Variants in GLRA3 observed in about 807,000 individuals in gnomAD.
GLRA3 encodes glycine receptor alpha 3.
GLRA3 carries 44 observed loss-of-function variants against 60.4 expected under a neutral mutation model. That is an observed-to-expected ratio of 0.73 (90% confidence interval 0.57 to 0.94). The LOEUF (loss-of-function observed/expected upper bound fraction) is 0.94, where lower values mean the gene tolerates loss of function less well. Among genes scored for constraint, GLRA3 ranks in the 40% least tolerant of loss-of-function variants. GLRA3 has a pLI of 0.00. For missense variants in GLRA3, 508 were observed against 564.6 expected, an observed-to-expected ratio of 0.90 and a Z score of 1.02; for synonymous variants, 223 against 192.9, an observed-to-expected ratio of 1.16 and a Z score of -1.29.
rs952679179 is a variant in GLRA3, at chr4:174,647,689, G to A, written c.1117-3625C>T. Among the ~76,000 whole-genome samples, 5 of 151,722 alleles carry A rather than the reference G, an allele frequency of 3.3e-5. No individual in the cohort carries two copies. In the South Asian group the frequency reaches 1.0e-3, roughly 32 times the overall value. On this transcript the variant is annotated intron_variant, in intron 9 of 9. Coordinates refer to ENST00000274093, the MANE Select transcript of GLRA3 (RefSeq NM_006529.4). ...TTTTTACATTAACTACATTTAACAA[G>A]TTAAAGGCAACAGGTCAAAATAACT...
chr4:174,762,887 G>C (rs896205742), intron 3 of GLRA3, among the ~76,000 whole-genome samples: 1 of 152,030 alleles, frequency 6.6e-6, no homozygotes, highest in African/African-American at 2.4e-5. Context: ...CTCACAATCA[G>C]TTACCAACCA....
intron 2 of GLRA3, among the ~76,000 whole-genome samples, chr4:174,767,779 A>G (rs1366322789): frequency 2.6e-5 from 4 of 152,116 alleles, no homozygotes; most frequent in African/African-American, 4.8e-5. Context: ...GATGTCCACC[A>G]GAAGTGAGAT....
intron 1 of GLRA3, among the ~76,000 whole-genome samples, chr4:174,826,421 A>G (rs2111411552): frequency 6.6e-6 from 1 of 152,308 alleles, no homozygotes; most frequent in South Asian, 2.1e-4. Flanking sequence ...TGCCTTGGAA[A>G]GGATTATGGT....
intron 3 of GLRA3, among the ~76,000 whole-genome samples, chr4:174,759,658 T>G (rs1031412764): frequency 6.6e-6 from 1 of 152,132 alleles, no homozygotes; most frequent in Non-Finnish European, 1.5e-5. Context: ...AGTTGTCCTA[T>G]TAAATATCAA....
chr4:174,674,462 C>T (rs1734035283), intron 7 of GLRA3, among the ~76,000 whole-genome samples: 1 of 152,118 alleles, frequency 6.6e-6, no homozygotes, highest in African/African-American at 2.4e-5. Flanking sequence ...CTTGAGTTAT[C>T]ATGACATTGT....
chr4:174,747,079 T>C (rs1329307275), intron 3 of GLRA3, among the ~76,000 whole-genome samples: 1 of 152,206 alleles, frequency 6.6e-6, no homozygotes, highest in Non-Finnish European at 1.5e-5. Flanking sequence ...ATATTATGGA[T>C]CCTTCTATTA....
At chr4:174,666,156 A>C (rs1371569895) in intron 7 of GLRA3, among the ~76,000 whole-genome samples, 1 of 152,236 alleles carries the variant, frequency 6.6e-6, no homozygotes, top group East Asian at 1.9e-4. Context: ...AACTGTAAAC[A>C]ATGTAAATTG....
At chr4:174,717,461 C>A (rs983409276) in intron 4 of GLRA3, among the ~76,000 whole-genome samples, 5 of 152,134 alleles carry the variant, frequency 3.3e-5, no homozygotes, top group African/African-American at 1.2e-4. Flanking sequence ...TAACCACATT[C>A]GTCAAGCTGA....
intron 3 of GLRA3, among the ~76,000 whole-genome samples, chr4:174,742,597 C>T (rs1195014720): frequency 6.6e-6 from 1 of 152,068 alleles, no homozygotes; most frequent in African/African-American, 2.4e-5. Flanking sequence ...CTGATGTTTG[C>T]TTTTTCTTCA....
intron 2 of GLRA3, among the ~76,000 whole-genome samples, chr4:174,784,060 G>C (rs1739011908): frequency 6.7e-6 from 1 of 149,264 alleles, no homozygotes; most frequent in Non-Finnish European, 1.5e-5. Flanking sequence ...CAAAGACTTG[G>C]AACCAACCCA....
At chr4:174,817,690 ATCCACC>A (rs1383423866) in intron 1 of GLRA3, among the ~76,000 whole-genome samples, 3 of 152,060 alleles carry the variant, frequency 2.0e-5, no homozygotes, top group Non-Finnish European at 2.9e-5. Flanking sequence ...TCACTGCAAC[ATCCACC>A]TCCTGGTTCA....
At chr4:174,694,810 TA>T (rs1307193611) in intron 5 of GLRA3, among the ~76,000 whole-genome samples, 2 of 151,648 alleles carry the variant, frequency 1.3e-5, no homozygotes, top group South Asian at 4.1e-4. Flanking sequence ...AAAACATTAA[TA>T]AAACATAGGC....
intron 2 of GLRA3, among the ~76,000 whole-genome samples, chr4:174,775,086 T>C (rs1738545421): frequency 6.6e-6 from 1 of 152,192 alleles, no homozygotes; most frequent in Non-Finnish European, 1.5e-5. Flanking sequence ...GTTTAGAATC[T>C]AACCCCATCA....
At chr4:174,807,594 T>C (rs535205658) in intron 1 of GLRA3, among the ~76,000 whole-genome samples, 46 of 152,252 alleles carry the variant, frequency 3.0e-4, no homozygotes, top group African/African-American at 1.1e-3. Flanking sequence ...CTAGACCTAT[T>C]TTTGTAAACC....
chr4:174,755,074 A>G (rs1737639123), intron 3 of GLRA3, among the ~76,000 whole-genome samples: 1 of 152,136 alleles, frequency 6.6e-6, no homozygotes, highest in Non-Finnish European at 1.5e-5. Flanking sequence ...AGACTGTAGC[A>G]TTGATTTATG....
chr4:174,815,046 C>T (rs1352452858), intron 1 of GLRA3, among the ~76,000 whole-genome samples: 1 of 151,972 alleles, frequency 6.6e-6, no homozygotes, highest in Non-Finnish European at 1.5e-5. Flanking sequence ...TAGTTACTTC[C>T]TAGATGCAAT....
chr4:174,651,885 A>T (rs1481988909), intron 9 of GLRA3, among the ~76,000 whole-genome samples: 1 of 152,132 alleles, frequency 6.6e-6, no homozygotes. Flanking sequence ...GAGTCATATC[A>T]GACCCCTTTC....
intron 7 of GLRA3, among the ~76,000 whole-genome samples, chr4:174,663,053 T>C (rs1238014311): frequency 1.3e-5 from 2 of 152,172 alleles, no homozygotes; most frequent in African/African-American, 4.8e-5. Context: ...GCTTTCTTAA[T>C]ACCTTCAATT....
At chr4:174,651,276 A>T (rs1293797681) in intron 9 of GLRA3, among the ~76,000 whole-genome samples, 1 of 152,182 alleles carries the variant, frequency 6.6e-6, no homozygotes, top group East Asian at 1.9e-4. Flanking sequence ...GCCAATTAAA[A>T]CATTTAATTA....
Sources: gnomAD v4.1 joint callset for allele counts (sites outside exome capture counted in the v4.1 genomes callset) on GRCh38, gnomAD v4.1.1 for gene constraint, MANE v1.5 for transcripts, NCBI Gene and HGNC (gene_info 2026-07-23, HGNC 2026-07-21) for gene names.